TSPAN9: variants seen among roughly 807,000 people sequenced by gnomAD.
The protein encoded by TSPAN9 is tetraspanin-9.
In TSPAN9, 16 loss-of-function variants were observed where a neutral mutation model predicts 31.0. The observed-to-expected ratio is 0.52, with a 90% CI of 0.35 to 0.78. The LOEUF is 0.78. Among genes scored for constraint, TSPAN9 ranks in the 30% least tolerant of loss-of-function variants. The pLI is 0.01. For missense variants in TSPAN9, 272 were observed against 312.5 expected (o/e 0.87, Z 0.98); for synonymous variants, 145 against 121.6 (o/e 1.19, Z -1.27).
chr12:3,204,996 A>G (rs901363941), intron 3 of TSPAN9, among the ~76,000 whole-genome samples: 4 of 151,788 alleles, frequency 2.6e-5, no homozygotes, highest in Admixed American at 2.0e-4. Context: ...AGAAGAGCGT[A>G]TAGGGGTGGG....
intron 2 of TSPAN9, among the ~76,000 whole-genome samples, chr12:3,189,539 A>C (rs2098363202): frequency 1.3e-5 from 2 of 152,108 alleles, no homozygotes; most frequent in African/African-American, 2.4e-5. Context: ...GTCACGTGTG[A>C]CTGGGTTACA....
At chr12:3,078,211 C>T (rs2098296080) in intron 1 of TSPAN9, among the ~76,000 whole-genome samples, 1 of 152,100 alleles carries the variant, frequency 6.6e-6, no homozygotes, top group Non-Finnish European at 1.5e-5. Flanking sequence ...CTACCTTTTT[C>T]TCGCATCACC....
intron 1 of TSPAN9, among the ~76,000 whole-genome samples, chr12:3,081,844 G>GTGTGTGTGTGTGTGTGTA (rs57812985): frequency 2.6e-5 from 3 of 116,738 alleles, no homozygotes; most frequent in Non-Finnish European, 5.0e-5. Flanking sequence ...GTCTGTGTGT[G>GTGTGTGTGTGTGTGTGTA]TATATATATG....
rs535577404 is a variant in TSPAN9 at position 3,145,128 on chromosome 12, C to T, written c.-17-56049C>T. On this transcript the variant is annotated intron_variant, in intron 2 of 8. Coordinates refer to ENST00000011898, the MANE Select transcript of TSPAN9 (RefSeq NM_006675.5). ...CCCACTCCCTTGTGAGCACACAGTGCGTGCAGCAGCCCTCGGCGTCCTCTG... is the reference window on the plus strand; with the variant it reads ...CCCACTCCCTTGTGAGCACACAGTGTGTGCAGCAGCCCTCGGCGTCCTCTG... Among the ~76,000 whole-genome samples the T allele has an allele frequency of 4.6e-5, 7 of 152,310 alleles. No homozygotes were observed. In the East Asian group the frequency reaches 1.2e-3, roughly 25 times the overall value.
intron 2 of TSPAN9, among the ~76,000 whole-genome samples, chr12:3,127,420 A>G (rs922614545): frequency 4.0e-5 from 6 of 151,790 alleles, no homozygotes; most frequent in South Asian, 2.1e-4. Context: ...CAGGGGCGCA[A>G]TCTCGGCTCA....
chr12:3,080,539 T>C (rs1436359190), intron 1 of TSPAN9, among the ~76,000 whole-genome samples: 1 of 152,058 alleles, frequency 6.6e-6, no homozygotes, highest in Non-Finnish European at 1.5e-5. Context: ...GGTTTCACCA[T>C]GTTGGCCAGG....
chr12:3,265,500 T>G (rs956425384), intron 3 of TSPAN9, among the ~76,000 whole-genome samples: 1 of 152,164 alleles, frequency 6.6e-6, no homozygotes, highest in Non-Finnish European at 1.5e-5. Flanking sequence ...AGCTGCAAAT[T>G]TGTTTATTTT....
rs575872407 is a variant in TSPAN9 at position 3,133,527 on chromosome 12, C to T, written c.-18+49808C>T. ...GCCTTGGTATGTATTCAGAATCCTT[C>T]CAGGCCTTTCATTCCAATGCAGTCA... is the stretch of plus-strand genomic sequence containing the variant. On this transcript the variant is annotated intron_variant, in intron 2 of 8. Coordinates refer to ENST00000011898, the MANE Select transcript of TSPAN9 (RefSeq NM_006675.5). Among the ~76,000 whole-genome samples, 13 of 152,308 alleles carry T rather than the reference C, an allele frequency of 8.5e-5. No homozygotes were observed. In the South Asian group the frequency reaches 2.3e-3, roughly 27 times the overall value.
At chr12:3,157,337 A>G (rs11834259) in intron 2 of TSPAN9, among the ~76,000 whole-genome samples, 4,246 of 151,930 alleles carry the variant, frequency 0.028, 205 homozygotes, top group African/African-American at 0.097. Flanking sequence ...TCCTGACCGC[A>G]TGATCCCCCC....
intron 3 of TSPAN9, among the ~76,000 whole-genome samples, chr12:3,255,832 G>A (rs1038562369): frequency 5.3e-5 from 8 of 152,214 alleles, no homozygotes; most frequent in Non-Finnish European, 1.0e-4. Flanking sequence ...ATTCTCATCC[G>A]TACAGAGATG....
At chr12:3,155,933 T>C (rs2098342042) in intron 2 of TSPAN9, among the ~76,000 whole-genome samples, 1 of 152,190 alleles carries the variant, frequency 6.6e-6, no homozygotes. Flanking sequence ...CCGAAAGGAC[T>C]TGAAGACGTT....
intron 3 of TSPAN9, among the ~76,000 whole-genome samples, chr12:3,226,765 TATATATATATATATATATATATATA>T (rs1276193489): frequency 0.018 from 63 of 3,444 alleles, 11 homozygotes; most frequent in African/African-American, 0.025. Context: ...TATATATATA[TATATATATATATATATATATATATA>T]TATATTTTTT....
At chr12:3,080,396 C>G (rs1274458354) in intron 1 of TSPAN9, among the ~76,000 whole-genome samples, 3 of 152,142 alleles carry the variant, frequency 2.0e-5, no homozygotes, top group Non-Finnish European at 2.9e-5. Flanking sequence ...AGTGCAGTGG[C>G]ATAATCACAG....
At chr12:3,266,719 C>A (rs564531346) in intron 3 of TSPAN9, among the ~76,000 whole-genome samples, 1 of 152,192 alleles carries the variant, frequency 6.6e-6, no homozygotes, top group African/African-American at 2.4e-5. Flanking sequence ...GAGAGACCTG[C>A]GCTGAGCCAT....
At chr12:3,265,778 A>C (rs372998639) in intron 3 of TSPAN9, among the ~76,000 whole-genome samples, 19 of 152,284 alleles carry the variant, frequency 1.2e-4, no homozygotes, top group African/African-American at 4.6e-4. Flanking sequence ...GGAATCTTAG[A>C]TCTTTCTCAG....
chr12:3,189,573 C>A (rs2098363239), intron 2 of TSPAN9, among the ~76,000 whole-genome samples: 1 of 152,110 alleles, frequency 6.6e-6, no homozygotes, highest in Admixed American at 6.5e-5. Context: ...TGGGCTGGAG[C>A]AACCTAAGAG....
At chr12:3,169,516 T>C (rs746962150) in intron 2 of TSPAN9, among the ~76,000 whole-genome samples, 16 of 151,954 alleles carry the variant, frequency 1.1e-4, no homozygotes, top group Admixed American at 3.9e-4. Flanking sequence ...CCGCCCAGAG[T>C]GGCCATAAGG....
intron 3 of TSPAN9, among the ~76,000 whole-genome samples, chr12:3,227,338 T>C (rs1024451982): frequency 2.6e-5 from 4 of 152,188 alleles, no homozygotes; most frequent in African/African-American, 7.2e-5. Flanking sequence ...CATTTTGCCC[T>C]GCTGGGGGCA....
intron 3 of TSPAN9, among the ~76,000 whole-genome samples, chr12:3,216,143 C>T (rs1341577679): frequency 3.3e-5 from 5 of 152,170 alleles, no homozygotes; most frequent in African/African-American, 7.2e-5. Flanking sequence ...CCCCACCCCA[C>T]CCCCACCCCA....
Sources: allele counts gnomAD v4.1 joint callset (sites outside exome capture counted in the v4.1 genomes callset), GRCh38; gene constraint gnomAD v4.1.1; transcripts MANE v1.5; gene names NCBI Gene and HGNC (gene_info 2026-07-23, HGNC 2026-07-21).